Variants in DHX37 observed in about 807,000 individuals in gnomAD.
DHX37 encodes probable ATP-dependent RNA helicase DHX37.
DHX37 carries 52 observed loss-of-function variants against 134.3 expected under a neutral mutation model. The observed-to-expected ratio is 0.39, with a 90% confidence interval of 0.31 to 0.49. The LOEUF (loss-of-function observed/expected upper bound fraction) is 0.49. Among genes scored for constraint, DHX37 ranks in the 20% least tolerant of loss-of-function variants. The pLI, the probability that DHX37 is intolerant of heterozygous loss-of-function variation, is 0.93. For synonymous variants in DHX37, 634 were observed against 670.7 expected, an observed-to-expected ratio of 0.95 and a Z score of 0.85; for missense variants, 1,344 against 1,580.8, an observed-to-expected ratio of 0.85 and a Z score of 2.54.
chr12:124,983,254 C>T lies in DHX37; in HGVS notation c.277-631G>A, dbSNP rs943281630. On this transcript the variant is annotated intron_variant, in intron 2 of 26. Transcript: ENST00000308736. The stretch of plus-strand genomic sequence containing the variant: ...CTCTCCAAGTAGCTGGGACTACAGG[C>T]GCCCGCCACCATGCCTGGCTAATTT... Among the ~76,000 whole-genome samples the T allele has an allele frequency of 6.6e-5, 10 of 152,088 alleles. No homozygotes were observed. The East Asian group carries it at 7.8e-4, about 12-fold the overall frequency.
chr12:124,983,418 T>TACACACACACACACACACAC (rs141343765), intron 2 of DHX37, among the ~76,000 whole-genome samples: 54 of 148,218 alleles, frequency 3.6e-4, no homozygotes, highest in Middle Eastern at 3.4e-3. Flanking sequence ...ATGTGTGTAT[T>TACACACACACACACACACAC]ACACACACAC....
chr12:124,964,555 G>C lies in DHX37; in HGVS notation c.1884C>G (p.Thr628=), dbSNP rs199889877. Residue 628 remains threonine (T), a synonymous_variant, in exon 15 of 27, where the codon ACC becomes ACG. Transcript: ENST00000308736. ...VATNVAETSL[T]IPGIKYVVDC... is the part of the protein sequence containing the mutation. ...CCACCACGTACTTGATGCCAGGGAT[G>C]GTAAGCGACGTCTCGGCCACATTGG... 2 of 1,613,526 alleles carry C rather than the reference G, an allele frequency of 1.2e-6. No homozygotes were observed. The highest frequency in any genetic ancestry group is 1.7e-6 in the Non-Finnish European group (2 of 1,179,436).
chr12:124,951,295 A>G (rs1270670867), intron 21 of DHX37, among the ~76,000 whole-genome samples: 1 of 151,926 alleles, frequency 6.6e-6, no homozygotes, highest in Non-Finnish European at 1.5e-5. Context: ...AAAAAAAAAA[A>G]AAGGAAGCAC....
At chr12:124,973,923 G>A (rs545726507) in intron 6 of DHX37, among the ~76,000 whole-genome samples, 15 of 150,290 alleles carry the variant, frequency 1.0e-4, no homozygotes, top group Non-Finnish European at 2.1e-4. Flanking sequence ...GATTACAGGC[G>A]TGAGCCGCCG....
chr12:124,956,864 C>T lies in DHX37; in HGVS notation c.2280G>A (p.Gln760=), dbSNP rs780310214. 6.3e-6 allele frequency: 10 copies of T among 1,593,972 alleles called. No individual in the cohort carries two copies. The highest frequency in any genetic ancestry group is 8.6e-6 in the Non-Finnish European group (10 of 1,165,990). ...PQKAERVKQL[Q]ENRLSCPITA... is the part of the protein sequence containing the mutation. ...TGATGGGGCAGCTCAGCCGGTTCTC[C>T]TGCAGTTGCTTCACCCTGGAGATGG... is the stretch of plus-strand genomic sequence containing the variant. The change falls in exon 18 of 27, where the codon CAG becomes CAA. Residue 760 remains glutamine (Q), a synonymous_variant. Transcript: ENST00000308736.
intron 16 of DHX37, among the ~76,000 whole-genome samples, chr12:124,957,527 T>G (rs1954123245): frequency 6.6e-6 from 1 of 152,218 alleles, no homozygotes; most frequent in African/African-American, 2.4e-5. Flanking sequence ...GGCTCACGCC[T>G]GTAATCCCAG....
chr12:124,971,456 A>G, intron 7 of DHX37, 41 bp from the exon 8 acceptor site: 1 of 1,602,808 alleles, frequency 6.2e-7, no homozygotes. Flanking sequence ...TTCCAGCCTA[A>G]GCCCCAAGGG....
At chr12:124,953,643 G>A in intron 20 of DHX37, 1 of 653,900 alleles carries the variant, frequency 1.5e-6, no homozygotes, top group Non-Finnish European at 2.5e-6. Flanking sequence ...GTGAAACCGA[G>A]CGACGACCTG....
chr12:124,957,253 A>C, intron 16 of DHX37, 118 bp from the exon 17 acceptor site: 1 of 946,776 alleles, frequency 1.1e-6, no homozygotes, highest in Admixed American at 3.6e-5. Flanking sequence ...AGCTCATGCC[A>C]GTGGGGACAC....
chr12:124,979,195 C>T (rs1395253567), intron 4 of DHX37, among the ~76,000 whole-genome samples: 4 of 152,040 alleles, frequency 2.6e-5, no homozygotes, highest in East Asian at 3.9e-4. Context: ...GGCAAAACCC[C>T]GTCTCTACAA....
Position 124,982,642 on chromosome 12 carries a change from G to A in DHX37, c.277-19C>T, listed in dbSNP as rs939217264. On this transcript the variant is annotated intron_variant, in intron 2 of 26. Transcript: ENST00000308736. The stretch of plus-strand genomic sequence containing the variant: ...CTGCTCGCTGGGAAAGGAAACGAGT[G>A]TATTATGCATTTGCCATCACGACCC... 1 of 1,610,882 alleles carries A rather than the reference G, an allele frequency of 6.2e-7. No homozygotes were observed. Among genetic ancestry groups the A allele is most frequent in the South Asian group, 1.1e-5 (1 of 90,944 alleles).
At chr12:124,984,152 G>A (rs968479204) in intron 2 of DHX37, among the ~76,000 whole-genome samples, 21 of 152,302 alleles carry the variant, frequency 1.4e-4, no homozygotes, top group African/African-American at 5.1e-4. Context: ...GGGGGGCGGC[G>A]CGCAAAACTG....
intron 20 of DHX37, 37 bp downstream of exon 20, chr12:124,953,843 C>T (rs1409496548): frequency 3.7e-6 from 6 of 1,601,806 alleles, no homozygotes; most frequent in Non-Finnish European, 5.1e-6. Context: ...GTCAGGTTGC[C>T]CGCCGGGTGC....
chr12:124,974,932 A>G (rs909754784), intron 6 of DHX37, among the ~76,000 whole-genome samples: 10 of 152,070 alleles, frequency 6.6e-5, no homozygotes, highest in African/African-American at 2.4e-4. Context: ...ATGTGCCACC[A>G]CACCTGGCTC....
chr12:124,974,778 A>AT lies in DHX37; in HGVS notation c.980+640dup, dbSNP rs768978678. ...AGTCCTACAGACTTACCGCCTGAAG[A>AT]TTTTTTTTTTTTTTTGAGACAGAGT... is the stretch of plus-strand genomic sequence containing the variant. On this transcript the variant is annotated intron_variant, in intron 6 of 26. Coordinates refer to ENST00000308736, the MANE Select transcript of DHX37 (RefSeq NM_032656.4). 3.6e-3 allele frequency among the ~76,000 whole-genome samples: 505 copies of AT among 141,690 alleles called. 1 individual carries two copies. The highest frequency in any genetic ancestry group is 4.7e-3 in the Non-Finnish European group (307 of 64,726). The allele number at this position is 141,690 out of a possible 152,430, so 93.0% of individuals were successfully genotyped here.
rs1370987048 is a variant in DHX37 at position 124,968,610 on chromosome 12, G to A, written c.1332C>T (p.Asn444=). 4.2e-5 allele frequency: 67 copies of A among 1,614,044 alleles called. No individual in the cohort carries two copies. The highest frequency in any genetic ancestry group is 5.5e-5 in the Non-Finnish European group (65 of 1,180,064). The change falls in exon 10 of 27, where the codon AAC becomes AAT. Residue 444 remains asparagine, a synonymous_variant. Transcript: ENST00000308736. ...SRQFPVTVHF[N]KRTPLEDYSG... is the part of the protein sequence containing the mutation. ...TGTAGTCTTCCAGCGGTGTCCGCTT[G>A]TTGAAATGCACAGTCACTGGGAACT...
At chr12:124,978,957 A>G (rs1954701685) in intron 4 of DHX37, among the ~76,000 whole-genome samples, 1 of 151,578 alleles carries the variant, frequency 6.6e-6, no homozygotes, top group Non-Finnish European at 1.5e-5. Context: ...ATTAAAAGCT[A>G]CTCAATTCAT....
In DHX37 at chr12:124,956,743, T is replaced by C. The variant is rs145434272; in HGVS notation, c.2401A>G (p.Ile801Val). The change falls in exon 18 of 27, where the codon ATC (isoleucine) becomes GTC (valine). Residue 801 changes from isoleucine (I) to valine (V), a missense_variant. This residue lies in a region of DHX37 where 558 missense variants were observed against 650.0 expected (regional missense o/e 0.86). Transcript: ENST00000308736. ...SRQHGCLPYAITIVASMTVRE... is the reference protein window; with the variant it reads ...SRQHGCLPYAVTIVASMTVRE... ...ACCGTCATGCTGGCCACGATGGTGA[T>C]GGCATAGGGCAGGCAGCCGTGTTGT... 2 of 1,603,836 alleles carry C rather than the reference T, an allele frequency of 1.2e-6. No individual in the cohort carries two copies. The highest frequency in any genetic ancestry group is 2.7e-5 in the African/African-American group (2 of 74,488).
At chr12:124,979,294 C>CG (rs1466023098) in intron 4 of DHX37, among the ~76,000 whole-genome samples, 24 of 152,226 alleles carry the variant, frequency 1.6e-4, no homozygotes, top group African/African-American at 5.8e-4. Context: ...ACTTGAGCCT[C>CG]GGAGGCGGAG....
Sources: allele counts gnomAD v4.1 joint callset (sites outside exome capture counted in the v4.1 genomes callset), GRCh38; gene constraint gnomAD v4.1.1; regional missense constraint gnomAD v4.1.1; transcripts MANE v1.5; gene names NCBI Gene and HGNC (gene_info 2026-07-23, HGNC 2026-07-21).